PTPRD: variants seen among roughly 807,000 people sequenced by gnomAD.
The protein encoded by PTPRD is receptor-type tyrosine-protein phosphatase delta.
A neutral mutation model predicts 214.5 loss-of-function variants in PTPRD; 34 were observed. The ratio of observed to expected loss-of-function variants is 0.16; its 90% CI spans 0.12 to 0.21. PTPRD has a LOEUF of 0.21. PTPRD is among the 10% of genes least tolerant of loss of function. The probability of loss-of-function intolerance (pLI) is 1.00; values close to 1 mark genes in which losing one functional copy is unlikely to be tolerated. For synonymous variants in PTPRD, 1,128 were observed against 845.7 expected (o/e 1.33, Z -5.79); for missense variants, 2,545 against 2,398.7 (o/e 1.06, Z -1.27).
At chr9:8,564,911 T>C (rs1280938893) in intron 14 of PTPRD, among the ~76,000 whole-genome samples, 3 of 152,172 alleles carry the variant, frequency 2.0e-5, no homozygotes, top group Non-Finnish European at 2.9e-5. Context: ...GCTAGCCACA[T>C]TGTAAGTGTT....
intron 8 of PTPRD, among the ~76,000 whole-genome samples, chr9:9,446,156 C>G (rs893553961): frequency 1.4e-4 from 21 of 152,038 alleles, no homozygotes; most frequent in Admixed American, 1.2e-3. Flanking sequence ...TCAAACAAAA[C>G]AAAACAGAAC....
At chr9:9,768,341 T>G (rs1026873277) in intron 5 of PTPRD, among the ~76,000 whole-genome samples, 1 of 152,208 alleles carries the variant, frequency 6.6e-6, no homozygotes. Flanking sequence ...AAATGTTAGC[T>G]ATTAAAACTA....
intron 5 of PTPRD, among the ~76,000 whole-genome samples, chr9:9,798,751 CG>C (rs2099020047): frequency 6.6e-6 from 1 of 152,000 alleles, no homozygotes; most frequent in Admixed American, 6.6e-5. Context: ...TTGCTGAGAG[CG>C]CAGGTAAAAT....
intron 11 of PTPRD, among the ~76,000 whole-genome samples, chr9:8,996,921 G>T (rs948790750): frequency 2.6e-5 from 4 of 152,010 alleles, no homozygotes; most frequent in African/African-American, 7.2e-5. Flanking sequence ...TTGGTTTTAT[G>T]ATTCTATGTG....
At chr9:9,709,854 G>A (rs936099447) in intron 7 of PTPRD, among the ~76,000 whole-genome samples, 7 of 152,024 alleles carry the variant, frequency 4.6e-5, no homozygotes, top group Admixed American at 1.3e-4. Context: ...CTATGTATAC[G>A]TATGTATGAA....
intron 14 of PTPRD, among the ~76,000 whole-genome samples, chr9:8,550,005 C>G (rs1314036138): frequency 2.0e-5 from 3 of 152,068 alleles, no homozygotes; most frequent in Non-Finnish European, 4.4e-5. Flanking sequence ...ACAAACATCA[C>G]TGATTAACTT....
intron 8 of PTPRD, among the ~76,000 whole-genome samples, chr9:9,563,864 T>C (rs2083595268): frequency 6.6e-6 from 1 of 152,164 alleles, no homozygotes; most frequent in Non-Finnish European, 1.5e-5. Context: ...AGCATTTAAA[T>C]CTTGACTTCA....
chr9:8,834,097 A>G (rs2097360355), intron 11 of PTPRD, among the ~76,000 whole-genome samples: 1 of 152,114 alleles, frequency 6.6e-6, no homozygotes. Context: ...TGGTAGAAAT[A>G]TAATGAATTT....
chr9:9,010,320 A>G (rs976658220), intron 11 of PTPRD, among the ~76,000 whole-genome samples: 1 of 152,220 alleles, frequency 6.6e-6, no homozygotes, highest in South Asian at 2.1e-4. Flanking sequence ...GGACAACATT[A>G]TCCATAAGAC....
At chr9:8,759,107 T>C (rs1598916189) in intron 11 of PTPRD, among the ~76,000 whole-genome samples, 2 of 152,070 alleles carry the variant, frequency 1.3e-5, no homozygotes, top group African/African-American at 2.4e-5. Flanking sequence ...CAAGGCTCAC[T>C]GCAGCCTCAA....
chr9:10,133,667 G>C (rs114024800), intron 3 of PTPRD, among the ~76,000 whole-genome samples: 3 of 151,954 alleles, frequency 2.0e-5, no homozygotes, highest in Admixed American at 6.6e-5. Flanking sequence ...ATGTAAAGTA[G>C]AAAAACAAGT....
chr9:10,476,012 C>T (rs997141277), intron 2 of PTPRD, among the ~76,000 whole-genome samples: 1 of 151,886 alleles, frequency 6.6e-6, no homozygotes, highest in Non-Finnish European at 1.5e-5. Context: ...TATAACAAGC[C>T]CATAGCCAAT....
At chr9:9,847,056 T>C (rs925510483) in intron 5 of PTPRD, among the ~76,000 whole-genome samples, 2 of 152,124 alleles carry the variant, frequency 1.3e-5, no homozygotes, top group African/African-American at 4.8e-5. Flanking sequence ...TCTGAATAGT[T>C]TTAGTTTTAA....
chr9:8,742,970 C>T (rs2092264617), intron 11 of PTPRD, among the ~76,000 whole-genome samples: 1 of 151,974 alleles, frequency 6.6e-6, no homozygotes, highest in African/African-American at 2.4e-5. Context: ...ACAGATACTG[C>T]CAAATACCCT....
chr9:9,175,753 C>T (rs977478890), intron 10 of PTPRD, among the ~76,000 whole-genome samples: 27 of 151,798 alleles, frequency 1.8e-4, no homozygotes, highest in African/African-American at 5.3e-4. Flanking sequence ...ATATTTCTAC[C>T]GGCCCAAGTA....
intron 14 of PTPRD, among the ~76,000 whole-genome samples, chr9:8,580,459 T>C (rs898528315): frequency 6.6e-6 from 1 of 152,220 alleles, no homozygotes; most frequent in South Asian, 2.1e-4. Context: ...TTTAAATATA[T>C]GCTATATATG....
At chr9:10,304,627 G>A (rs1371629998) in intron 3 of PTPRD, among the ~76,000 whole-genome samples, 1 of 151,364 alleles carries the variant, frequency 6.6e-6, no homozygotes, top group African/African-American at 2.4e-5. Context: ...AATAGACAGA[G>A]ATTCAAATCA....
intron 4 of PTPRD, among the ~76,000 whole-genome samples, chr9:9,949,112 G>A (rs748607458): frequency 6.6e-6 from 1 of 151,910 alleles, no homozygotes; most frequent in African/African-American, 2.4e-5. Flanking sequence ...AAACATAAGG[G>A]GAAGAGATGG....
At chr9:8,447,273 C>T (rs1187965500) in intron 34 of PTPRD, among the ~76,000 whole-genome samples, 3 of 152,092 alleles carry the variant, frequency 2.0e-5, no homozygotes, top group Admixed American at 1.3e-4. Context: ...ACTTTATTCC[C>T]TTATTCATTT....
Sources: gnomAD v4.1 joint callset for allele counts (sites outside exome capture counted in the v4.1 genomes callset) on GRCh38, gnomAD v4.1.1 for gene constraint, MANE v1.5 for transcripts, NCBI Gene and HGNC (gene_info 2026-07-23, HGNC 2026-07-21) for gene names.